POM121C: variants seen among roughly 807,000 people sequenced by gnomAD.
The protein encoded by POM121C is POM121 transmembrane nucleoporin C.
In POM121C, 20 loss-of-function variants were observed where a neutral mutation model predicts 66.4. The observed-to-expected ratio is 0.30, with a 90% confidence interval of 0.21 to 0.44. The LOEUF (loss-of-function observed/expected upper bound fraction) is 0.44. POM121C is among the 20% of genes least tolerant of loss of function. The pLI is 1.00. For synonymous variants in POM121C, 286 were observed against 528.0 expected, an observed-to-expected ratio of 0.54 and a Z score of 6.28; for missense variants, 580 against 1,225.7, an observed-to-expected ratio of 0.47 and a Z score of 7.87.
chr7:75,449,401 G>A (rs1414905349), intron 3 of POM121C, among the ~76,000 whole-genome samples: 1 of 146,876 alleles, frequency 6.8e-6, no homozygotes, highest in Non-Finnish European at 1.5e-5. Context: ...GTCTCACTCT[G>A]TCACCCAGGC....
chr7:75,479,786 A>G (rs1435034521), intron 1 of POM121C, among the ~76,000 whole-genome samples: 2 of 152,126 alleles, frequency 1.3e-5, no homozygotes, highest in Non-Finnish European at 2.9e-5. Flanking sequence ...TTATTCTAGG[A>G]AAAATGGATA....
At chr7:75,430,031 A>G (rs1351462452) in intron 7 of POM121C, among the ~76,000 whole-genome samples, 1 of 152,192 alleles carries the variant, frequency 6.6e-6, no homozygotes, top group Non-Finnish European at 1.5e-5. Flanking sequence ...GAAATGAATG[A>G]CATTCCATGT....
chr7:75,424,128 G>A lies in POM121C; in HGVS notation c.969C>T (p.Ser323=). ...PAAATASPPT[S]LLAPSTNPLL... ...GTGGGTTGGTGCTTGGGGCCAGGAG[G>A]GAGGTGGGTGGGGAGGCAGTTGCAG... The change falls in exon 12 of 15, where the codon TCC becomes TCT. Residue 323 remains serine, a synonymous_variant. Coordinates refer to ENST00000615331, the MANE Select transcript of POM121C (RefSeq NM_001099415.3). 6.2e-7 allele frequency: 1 copy of A among 1,612,012 alleles called. No individual in the cohort carries two copies. The highest frequency in any genetic ancestry group is 8.5e-7 in the Non-Finnish European group (1 of 1,179,852).
At chr7:75,454,079 G>T (rs1260007963) in intron 3 of POM121C, among the ~76,000 whole-genome samples, 1 of 152,234 alleles carries the variant, frequency 6.6e-6, no homozygotes, top group Non-Finnish European at 1.5e-5. Flanking sequence ...ATTGGTCAGG[G>T]CAATCACAAA....
intron 5 of POM121C, chr7:75,440,586 A>G (rs1790601816): frequency 4.3e-6 from 1 of 235,056 alleles, no homozygotes; most frequent in Admixed American, 5.3e-5. Context: ...AAAAAAAAAG[A>G]CACTAGAACT....
chr7:75,469,864 T>C (rs13232776), intron 3 of POM121C, among the ~76,000 whole-genome samples: 2 of 152,166 alleles, frequency 1.3e-5, no homozygotes, highest in African/African-American at 4.8e-5. Flanking sequence ...TATCAGTGAG[T>C]CCTTTCTCAA....
intron 1 of POM121C, among the ~76,000 whole-genome samples, chr7:75,485,647 G>T (rs1373486904): frequency 6.6e-6 from 1 of 152,180 alleles, no homozygotes; most frequent in Non-Finnish European, 1.5e-5. Flanking sequence ...GTCCGCAGCT[G>T]AGGGTGGTGA....
Position 75,418,784 on chromosome 7 carries a change from A to G in POM121C, c.*12T>C, listed in dbSNP as rs1554470154. 2 of 1,593,862 alleles carry G rather than the reference A, an allele frequency of 1.3e-6. No individual in the cohort carries two copies. The highest frequency in any genetic ancestry group is 2.2e-5 in the East Asian group (1 of 44,772). ...GGGAAGGGGTGGGGGGAACAGGGACAGGGGACAAAGGCTACTTTTTGCGGG... is the reference window on the plus strand; with the variant it reads ...GGGAAGGGGTGGGGGGAACAGGGACGGGGGACAAAGGCTACTTTTTGCGGG... On this transcript the variant is annotated 3_prime_UTR_variant, in exon 15 of 15. Transcript: ENST00000615331.
chr7:75,467,531 CAAAAAAAA>C (rs58341825), intron 3 of POM121C, among the ~76,000 whole-genome samples: 6 of 65,386 alleles, frequency 9.2e-5, no homozygotes. Context: ...GATTCTGTCT[CAAAAAAAA>C]AAAAAAAAAA....
chr7:75,436,957 C>T (rs1790441995), intron 7 of POM121C, among the ~76,000 whole-genome samples: 1 of 152,212 alleles, frequency 6.6e-6, no homozygotes. Flanking sequence ...TGTCCAGCAG[C>T]AAAGCCTGCT....
chr7:75,435,927 T>C (rs1790387602), intron 7 of POM121C, among the ~76,000 whole-genome samples: 1 of 152,168 alleles, frequency 6.6e-6, no homozygotes, highest in Admixed American at 6.5e-5. Flanking sequence ...GGCCAGAGCC[T>C]GTAATCCCAG....
chr7:75,432,630 T>A (rs1406921313), intron 7 of POM121C, among the ~76,000 whole-genome samples: 1 of 152,202 alleles, frequency 6.6e-6, no homozygotes, highest in African/African-American at 2.4e-5. Flanking sequence ...TGTTTTTCTG[T>A]GTATTATACT....
At chr7:75,430,840 A>G (rs1197648895) in intron 7 of POM121C, among the ~76,000 whole-genome samples, 1 of 151,704 alleles carries the variant, frequency 6.6e-6, no homozygotes, top group Non-Finnish European at 1.5e-5. Flanking sequence ...ACTTTGGGAG[A>G]CTGAGGTGGG....
chr7:75,442,722 C>G (rs1554474290), intron 3 of POM121C: 9 of 1,360,634 alleles, frequency 6.6e-6, no homozygotes, highest in Non-Finnish European at 8.4e-6. Context: ...GGAGACATCG[C>G]GGCTCCGCGC....
intron 3 of POM121C, among the ~76,000 whole-genome samples, chr7:75,469,081 A>G (rs1246459092): frequency 6.6e-6 from 1 of 151,722 alleles, no homozygotes; most frequent in Non-Finnish European, 1.5e-5. Flanking sequence ...AAGCATCTGC[A>G]AATCTTTTGG....
At chr7:75,483,423 C>T (rs1554480430) in intron 1 of POM121C, among the ~76,000 whole-genome samples, 1 of 152,012 alleles carries the variant, frequency 6.6e-6, no homozygotes, top group East Asian at 1.9e-4. Flanking sequence ...AATTGTAATC[C>T]CCAATGTTCC....
rs1295873449 is a variant in POM121C, at chr7:75,419,865, C to T, written c.2744-423G>A. On this transcript the variant is annotated intron_variant, in intron 13 of 14. Transcript: ENST00000615331. Reference sequence around the variant, plus strand: ...TGTGTCTTTTGTGATGCCCCGTGGTCCCCTCCCTTCCCCGGCCTTGCCCTG... The same window carrying T: ...TGTGTCTTTTGTGATGCCCCGTGGTTCCCTCCCTTCCCCGGCCTTGCCCTG... 1.7e-5 allele frequency: 3 copies of T among 172,084 alleles called. No individual in the cohort carries two copies. In the South Asian group the frequency reaches 3.9e-4, roughly 22 times the overall value. 10.7% of individuals were successfully genotyped at this position (172,084 alleles called of 1,614,324 possible). A position where few individuals can be genotyped will look rare whatever the true frequency, so the allele number is the denominator to read the frequency against.
rs1554470702 is a variant in POM121C at position 75,421,781 on chromosome 7, C to G, written c.2471G>C (p.Ser824Thr). The change falls in exon 13 of 15, where the codon AGC becomes ACC. Residue 824 changes from serine (S) to threonine (T), a missense_variant. Coordinates refer to ENST00000615331, the MANE Select transcript of POM121C (RefSeq NM_001099415.3). ...TTQTASSGSS[S>T]SVFGSTTPSP... ...TGGTGTTGTGCTGCCAAACACCGAGCTGCTGCTCCCGCTGCTGGCGGTCTG... is the reference window on the plus strand; with the variant it reads ...TGGTGTTGTGCTGCCAAACACCGAGGTGCTGCTCCCGCTGCTGGCGGTCTG... The G allele has an allele frequency of 6.2e-7, 1 of 1,608,116 alleles. No homozygotes were observed. The highest frequency in any genetic ancestry group is 1.7e-5 in the Admixed American group (1 of 59,592).
chr7:75,439,422 C>A (rs1554473567), intron 5 of POM121C, among the ~76,000 whole-genome samples, 198 bp from the exon 6 acceptor site: 1 of 152,160 alleles, frequency 6.6e-6, no homozygotes, highest in Non-Finnish European at 1.5e-5. Flanking sequence ...ACTCTTGTTG[C>A]CCAGGCTGGA....
Sources: gnomAD v4.1 joint callset for allele counts (sites outside exome capture counted in the v4.1 genomes callset) on GRCh38, gnomAD v4.1.1 for gene constraint, MANE v1.5 for transcripts, NCBI Gene and HGNC (gene_info 2026-07-23, HGNC 2026-07-21) for gene names.